Variants in ZSCAN5A observed in about 807,000 individuals in gnomAD.
The protein encoded by ZSCAN5A is zinc finger and SCAN domain containing 5A.
In ZSCAN5A, 12 loss-of-function variants were observed where a neutral mutation model predicts 23.7. The observed-to-expected ratio is 0.51, with a 90% CI of 0.32 to 0.82. The LOEUF is 0.82. ZSCAN5A is among the 40% of genes least tolerant of loss of function. The probability of loss-of-function intolerance (pLI) is 0.03; values close to 1 mark genes in which losing one functional copy is unlikely to be tolerated. For synonymous variants in ZSCAN5A, 257 were observed against 239.9 expected, an observed-to-expected ratio of 1.07 and a Z score of -0.66; for missense variants, 597 against 617.9, an observed-to-expected ratio of 0.97 and a Z score of 0.36.
chr19:56,255,009 G>A (rs966939298), intron 2 of ZSCAN5A, among the ~76,000 whole-genome samples: 2 of 151,866 alleles, frequency 1.3e-5, no homozygotes, highest in Non-Finnish European at 2.9e-5. Context: ...TGTTGATTGT[G>A]ACCTTTGATG....
intron 2 of ZSCAN5A, among the ~76,000 whole-genome samples, chr19:56,255,635 G>A (rs2036643228): frequency 1.3e-5 from 2 of 151,256 alleles, no homozygotes; most frequent in African/African-American, 4.9e-5. Flanking sequence ...CCTCAAAGAA[G>A]CTGTTTTTCT....
intron 2 of ZSCAN5A, among the ~76,000 whole-genome samples, chr19:56,281,425 AAAGTT>A (rs1347704124): frequency 2.0e-5 from 3 of 152,232 alleles, no homozygotes; most frequent in Admixed American, 6.5e-5. Context: ...CTGAAACTGC[AAAGTT>A]AAAGAAGGGT....
chr19:56,275,194 G>A (rs556272212), intron 2 of ZSCAN5A, among the ~76,000 whole-genome samples: 16 of 152,154 alleles, frequency 1.1e-4, no homozygotes, highest in Admixed American at 2.6e-4. Context: ...TACGCTGGGG[G>A]AGAAATTTTG....
chr19:56,254,815 G>A (rs910188409), intron 2 of ZSCAN5A, among the ~76,000 whole-genome samples: 1 of 152,078 alleles, frequency 6.6e-6, no homozygotes, highest in South Asian at 2.1e-4. Context: ...GCCTTTTCTT[G>A]TGTCTGTTGG....
At chr19:56,247,731 A>G (rs189159869) in intron 2 of ZSCAN5A, among the ~76,000 whole-genome samples, 3,868 of 152,026 alleles carry the variant, frequency 0.025, 166 homozygotes, top group African/African-American at 0.089. Flanking sequence ...TTGTTCTGTC[A>G]CCCAGGCTGG....
chr19:56,225,358 C>A, intron 2 of ZSCAN5A, 185 bp from the exon 3 acceptor site: 1 of 318,374 alleles, frequency 3.1e-6, no homozygotes, highest in Admixed American at 4.8e-5. Flanking sequence ...GGATTCTGAT[C>A]TCTAGGAAAT....
chr19:56,246,710 G>C, intron 2 of ZSCAN5A: 1 of 1,134,168 alleles, frequency 8.8e-7, no homozygotes, highest in African/African-American at 1.5e-5. Context: ...TAACTGTTGT[G>C]TGTGGAATCC....
intron 2 of ZSCAN5A, chr19:56,283,494 A>G (rs1334071189): frequency 6.6e-6 from 1 of 152,178 alleles, no homozygotes; most frequent in Non-Finnish European, 1.5e-5. Context: ...GCCCACATCA[A>G]TATTCCCAAC....
intron 2 of ZSCAN5A, among the ~76,000 whole-genome samples, chr19:56,293,071 A>G (rs1283357525): frequency 6.6e-6 from 1 of 152,160 alleles, no homozygotes; most frequent in Non-Finnish European, 1.5e-5. Context: ...CATCCTGTCC[A>G]TGCCCCACAC....
At chr19:56,328,784 G>A (rs899492543) in intron 2 of ZSCAN5A, among the ~76,000 whole-genome samples, 1 of 150,546 alleles carries the variant, frequency 6.6e-6, no homozygotes, top group Non-Finnish European at 1.5e-5. Flanking sequence ...GGTGGATCAT[G>A]AGGTCAGGAG....
intron 2 of ZSCAN5A, chr19:56,301,864 G>C: frequency 8.2e-7 from 1 of 1,214,024 alleles, no homozygotes. Flanking sequence ...GAGGCAGGCA[G>C]AGATGTGAGT....
At chr19:56,328,595 T>C (rs566706538) in intron 2 of ZSCAN5A, among the ~76,000 whole-genome samples, 7 of 151,524 alleles carry the variant, frequency 4.6e-5, no homozygotes, top group South Asian at 4.2e-4. Flanking sequence ...AATCACACCA[T>C]TGCACTCCAG....
chr19:56,327,071 T>G (rs867042853), intron 2 of ZSCAN5A, among the ~76,000 whole-genome samples: 3 of 152,122 alleles, frequency 2.0e-5, no homozygotes, highest in Non-Finnish European at 4.4e-5. Flanking sequence ...ATTTTTTTTT[T>G]TTGTTAGAGA....
In ZSCAN5A at chr19:56,298,969, C is replaced by G. The variant is rs144466765; in HGVS notation, c.-128+14314G>C. On this transcript the variant is annotated intron_variant, in intron 2 of 5. Transcript: ENST00000683990. ...TATTAGCAAGTGCAATTTGGCAATA[C>G]ATGTTAAACAATCATGACTAAATTC... 2.7e-4 allele frequency among the ~76,000 whole-genome samples: 41 copies of G among 152,278 alleles called. No homozygotes were observed. The East Asian group carries it at 7.9e-3, about 29-fold the overall frequency.
intron 2 of ZSCAN5A, among the ~76,000 whole-genome samples, chr19:56,249,548 A>G (rs116973209): frequency 6.6e-6 from 1 of 152,222 alleles, no homozygotes; most frequent in African/African-American, 2.4e-5. Context: ...CTGGGATTAC[A>G]TGAGCACGAG....
At chr19:56,298,637 G>C (rs2040034318) in intron 2 of ZSCAN5A, among the ~76,000 whole-genome samples, 2 of 135,436 alleles carry the variant, frequency 1.5e-5, no homozygotes, top group South Asian at 4.8e-4. Flanking sequence ...TGGCAACAGA[G>C]CAAGACTCCA....
intron 2 of ZSCAN5A, among the ~76,000 whole-genome samples, chr19:56,241,934 C>T (rs542542687): frequency 1.2e-4 from 18 of 152,082 alleles, no homozygotes; most frequent in Non-Finnish European, 2.2e-4. Context: ...TGACTCAACC[C>T]GTCACCCAGG....
At chr19:56,359,436 A>G (rs576460084) in intron 2 of ZSCAN5A, among the ~76,000 whole-genome samples, 1 of 152,318 alleles carries the variant, frequency 6.6e-6, no homozygotes, top group African/African-American at 2.4e-5. Context: ...GCAGTAATTA[A>G]TAACCTACAA....
At chr19:56,364,520 TG>T (rs2041753229) in intron 1 of ZSCAN5A, among the ~76,000 whole-genome samples, 2 of 152,222 alleles carry the variant, frequency 1.3e-5, no homozygotes, top group Non-Finnish European at 2.9e-5. Context: ...ACATGTTATA[TG>T]GTACAACCAC....
Sources: allele counts gnomAD v4.1 joint callset (sites outside exome capture counted in the v4.1 genomes callset), GRCh38; gene constraint gnomAD v4.1.1; transcripts MANE v1.5; gene names NCBI Gene and HGNC (gene_info 2026-07-23, HGNC 2026-07-21).